Variants in ZNF274 observed in about 807,000 individuals in gnomAD.
ZNF274 encodes neurotrophin receptor-interacting factor homolog.
A neutral mutation model predicts 42.5 loss-of-function variants in ZNF274; 23 were observed. That is an observed-to-expected ratio of 0.54 (90% CI 0.39 to 0.77). The LOEUF (loss-of-function observed/expected upper bound fraction) is 0.77, where lower values mean the gene tolerates loss of function less well. Among genes scored for constraint, ZNF274 ranks in the 30% least tolerant of loss-of-function variants. The pLI is 0.00. For synonymous variants in ZNF274, 292 were observed against 305.4 expected, an observed-to-expected ratio of 0.96 and a Z score of 0.46; for missense variants, 679 against 806.5, an observed-to-expected ratio of 0.84 and a Z score of 1.91.
At position 58,187,180 on chromosome 19, in the gene ZNF274, G is replaced by GC. The variant is rs1044843475; in HGVS notation, c.256+138_256+139insC. The GC allele has an allele frequency of 2.0e-5, 14 of 686,526 alleles. No homozygotes were observed. In the African/African-American group the frequency reaches 2.3e-4, roughly 11 times the overall value. 42.5% of individuals were successfully genotyped at this position (686,526 alleles called of 1,614,324 possible). A position where few individuals can be genotyped will look rare whatever the true frequency, so the allele number is the denominator to read the frequency against. On this transcript the variant is annotated intron_variant, in intron 4 of 7. Coordinates refer to ENST00000617501, the MANE Select transcript of ZNF274 (RefSeq NM_133502.3). ...GAGCAGTTGCAGAACCAAACTCGAAGTTTTTCTCTGGCTCCACAGTCAGCA... is the reference window on the plus strand; with the variant it reads ...GAGCAGTTGCAGAACCAAACTCGAAGCTTTTTCTCTGGCTCCACAGTCAGCA...
At position 58,207,206 on chromosome 19, in the gene ZNF274, AG is replaced by A; in HGVS notation, c.739+5del. 6.2e-7 allele frequency: 1 copy of A among 1,607,160 alleles called. No homozygotes were observed. Among genetic ancestry groups the A allele is most frequent in the Non-Finnish European group, 8.5e-7 (1 of 1,176,044 alleles). On this transcript the variant is annotated splice_donor_5th_base_variant and intron_variant, in intron 5 of 7. Coordinates refer to ENST00000617501, the MANE Select transcript of ZNF274 (RefSeq NM_133502.3). This position sits in a 1 kb window ranked among gnomAD's most constrained non-coding sequence, Gnocchi z 5.6. ...ACCTGGATGTCTGAGGAGGAAGGTA[AG>A]TAGAAGGGTGGGTAGAGGGACAGCT... is the stretch of plus-strand genomic sequence containing the variant.
intron 4 of ZNF274, among the ~76,000 whole-genome samples, chr19:58,201,514 C>CT (rs11418348): frequency 0.058 from 8,402 of 143,806 alleles, 545 homozygotes; most frequent in African/African-American, 0.15. Flanking sequence ...GCATGAATTT[C>CT]TTTTTTTTTT....
chr19:58,202,710 GA>G (rs1212708236), intron 4 of ZNF274, among the ~76,000 whole-genome samples: 2 of 152,196 alleles, frequency 1.3e-5, no homozygotes, highest in African/African-American at 2.4e-5. Context: ...TCTCCTCCAT[GA>G]AGTGGAGCAG....
intron 4 of ZNF274, among the ~76,000 whole-genome samples, chr19:58,188,445 A>AC (rs2146194985): frequency 6.6e-6 from 1 of 150,476 alleles, no homozygotes; most frequent in East Asian, 2.0e-4. Context: ...AAATGGTGAA[A>AC]CCCCATCTCT....
chr19:58,189,469 C>T (rs1432809617), intron 4 of ZNF274, among the ~76,000 whole-genome samples: 2 of 152,120 alleles, frequency 1.3e-5, no homozygotes, highest in Admixed American at 6.6e-5. Flanking sequence ...TGGGGTTCAT[C>T]CTCTGCTTAT....
chr19:58,183,765 A>T lies in ZNF274; in HGVS notation c.-45-156A>T, dbSNP rs559983565. ...GGGGAGGGGAAAACTGGTCCTATCC[A>T]GTCCTGTGGGAGTCCTATGACTCAC... On this transcript the variant is annotated intron_variant, in intron 1 of 7. Coordinates refer to ENST00000617501, the MANE Select transcript of ZNF274 (RefSeq NM_133502.3). 8.8e-4 allele frequency: 503 copies of T among 571,800 alleles called. 1 individual carries two copies. Among genetic ancestry groups the T allele is most frequent in the Non-Finnish European group, 1.4e-3 (448 of 321,008 alleles). The allele number at this position is 571,800 out of a possible 1,614,324, so 35.4% of individuals were successfully genotyped here.
At chr19:58,190,755 A>G (rs1225962252) in intron 4 of ZNF274, among the ~76,000 whole-genome samples, 77 of 152,136 alleles carry the variant, frequency 5.1e-4, no homozygotes, top group Admixed American at 5.0e-3. Context: ...CTTTTCTGTC[A>G]GTGTGCTGAA....
At chr19:58,201,108 G>A (rs1219811780) in intron 4 of ZNF274, among the ~76,000 whole-genome samples, 2 of 151,426 alleles carry the variant, frequency 1.3e-5, no homozygotes, top group Admixed American at 1.3e-4. Context: ...GAGTTCAAGC[G>A]ATTCTCCCAC....
At chr19:58,210,208 G>A in intron 6 of ZNF274, 135 bp downstream of exon 6, 1 of 659,944 alleles carries the variant, frequency 1.5e-6, no homozygotes, top group South Asian at 1.9e-5. Context: ...TGAGCTCTTA[G>A]GTCTGTGCTG....
At chr19:58,192,628 A>G (rs1043652428) in intron 4 of ZNF274, among the ~76,000 whole-genome samples, 1 of 152,214 alleles carries the variant, frequency 6.6e-6, no homozygotes, top group Non-Finnish European at 1.5e-5. Context: ...AGTCATCTCT[A>G]GATTACTTAT....
intron 1 of ZNF274, 76 bp from the exon 2 acceptor site, chr19:58,183,844 TC>T: frequency 9.9e-7 from 1 of 1,009,544 alleles, no homozygotes; most frequent in South Asian, 1.6e-5. Flanking sequence ...AGGGAGCCGT[TC>T]CTGGGCGGAG....
Position 58,212,301 on chromosome 19 carries a change from G to A in ZNF274, c.1120G>A (p.Gly374Arg), listed in dbSNP as rs750241968. 18 of 1,613,852 alleles carry A rather than the reference G, an allele frequency of 1.1e-5. 1 individual carries two copies. Among genetic ancestry groups the A allele is most frequent in the Non-Finnish European group, 1.5e-5 (18 of 1,179,912 alleles). The stretch of plus-strand genomic sequence containing the variant: ...TACATTAGAAGATACCTTGCAGGGT[G>A]GGGTCCAGGAAGTCCAAGACACAGT... ...SSTLEDTLQG[G>R]VQEVQDTVLK... The change falls in exon 8 of 8, where the codon GGG becomes AGG. Residue 374 changes from glycine (G) to arginine (R), a missense_variant. By Grantham distance (125) the Gly-to-Arg change is moderately radical. This residue lies in a region of ZNF274 where 456 missense variants were observed against 590.1 expected (regional missense o/e 0.77). Coordinates refer to ENST00000617501, the MANE Select transcript of ZNF274 (RefSeq NM_133502.3). The surrounding 1 kb of genome is among the most constrained non-coding windows in gnomAD (Gnocchi z 4.6).
chr19:58,186,918 A>G, intron 3 of ZNF274, 29 bp from the exon 4 acceptor site: 1 of 1,597,786 alleles, frequency 6.3e-7, no homozygotes, highest in Admixed American at 1.7e-5. Context: ...ACAGACCCCC[A>G]CAAGCCCTGT....
chr19:58,205,824 G>A (rs1240125717), intron 4 of ZNF274, among the ~76,000 whole-genome samples: 2 of 152,166 alleles, frequency 1.3e-5, no homozygotes, highest in Non-Finnish European at 2.9e-5. Context: ...CCCAGTGGAG[G>A]TTGGAGAAGG....
At position 58,212,081 on chromosome 19, in the gene ZNF274, TTAA is replaced by T; in HGVS notation, c.980-78_980-76del. 1.4e-5 allele frequency: 21 copies of T among 1,482,840 alleles called. No homozygotes were observed. Among genetic ancestry groups the T allele is most frequent in the Non-Finnish European group, 1.9e-5 (21 of 1,117,580 alleles). The allele number at this position is 1,482,840 out of a possible 1,614,324, so 91.9% of individuals were successfully genotyped here. A position where few individuals can be genotyped will look rare whatever the true frequency, so the allele number is the denominator to read the frequency against. ...AAAAAAAAAATCCTGACTTTTGAAC[TTAA>T]TTATGCATTTCATGCTCTCAGACCC... On this transcript the variant is annotated intron_variant, in intron 7 of 7. Coordinates refer to ENST00000617501, the MANE Select transcript of ZNF274 (RefSeq NM_133502.3). This position sits in a 1 kb window ranked among gnomAD's most constrained non-coding sequence, Gnocchi z 4.6.
rs1164976731 is a variant in ZNF274, at chr19:58,207,426, A to C, written c.739+224A>C. Among the ~76,000 whole-genome samples the C allele has an allele frequency of 6.6e-6, 1 of 152,182 alleles. No individual in the cohort carries two copies. Among genetic ancestry groups the C allele is most frequent in the Non-Finnish European group, 1.5e-5 (1 of 68,026 alleles). On this transcript the variant is annotated intron_variant, in intron 5 of 7. Transcript: ENST00000617501. The surrounding 1 kb of genome is among the most constrained non-coding windows in gnomAD (Gnocchi z 5.6). The stretch of plus-strand genomic sequence containing the variant: ...GCTTCTGATGGAAGCACACAGATGA[A>C]GTGCTTCATTTTTATCCCTCTGGCA...
intron 4 of ZNF274, among the ~76,000 whole-genome samples, chr19:58,197,216 C>A (rs544633212): frequency 5.3e-4 from 81 of 152,230 alleles, no homozygotes; most frequent in Non-Finnish European, 9.6e-4. Flanking sequence ...TTTTGGGAAC[C>A]CCTTCAGTAG....
Position 58,209,857 on chromosome 19 carries a change from C to T in ZNF274, c.740-104C>T, listed in dbSNP as rs945470041. 72 of 676,816 alleles carry T rather than the reference C, an allele frequency of 1.1e-4. 2 individuals are homozygous for T. The Middle Eastern group carries it at 1.2e-3, about 12-fold the overall frequency. 41.9% of individuals were successfully genotyped at this position (676,816 alleles called of 1,614,324 possible). On this transcript the variant is annotated intron_variant, in intron 5 of 7. Coordinates refer to ENST00000617501, the MANE Select transcript of ZNF274 (RefSeq NM_133502.3). ...CAGAGGCTGTCATGGAGCCACAGTA[C>T]GATGCAGGGGTGCGGTGGCCCCATG... is the stretch of plus-strand genomic sequence containing the variant.
chr19:58,203,654 G>A (rs946865226), intron 4 of ZNF274, among the ~76,000 whole-genome samples: 1 of 151,508 alleles, frequency 6.6e-6, no homozygotes, highest in Non-Finnish European at 1.5e-5. Flanking sequence ...ATTAAGAAAA[G>A]TTACTTGGGG....
Sources: allele counts gnomAD v4.1 joint callset (sites outside exome capture counted in the v4.1 genomes callset), GRCh38; gene constraint gnomAD v4.1.1; regional missense constraint gnomAD v4.1.1; non-coding constraint Gnocchi (gnomAD v3.1); transcripts MANE v1.5; gene names NCBI Gene and HGNC (gene_info 2026-07-23, HGNC 2026-07-21).